ARFIP1: variants seen among roughly 807,000 people sequenced by gnomAD.
The protein encoded by ARFIP1 is arfaptin-1.
ARFIP1 carries 24 observed loss-of-function variants against 42.5 expected under a neutral mutation model. The ratio of observed to expected loss-of-function variants is 0.57; its 90% confidence interval spans 0.41 to 0.80. The LOEUF (loss-of-function observed/expected upper bound fraction) is 0.80, where lower values mean the gene tolerates loss of function less well. Among genes scored for constraint, ARFIP1 ranks in the 30% least tolerant of loss-of-function variants. The pLI, the probability that ARFIP1 is intolerant of heterozygous loss-of-function variation, is 0.00. For synonymous variants in ARFIP1, 141 were observed against 153.7 expected (o/e 0.92, Z 0.61); for missense variants, 354 against 434.0 (o/e 0.82, Z 1.64).
chr4:152,796,745 C>T, intron 1 of ARFIP1: 1 of 773,214 alleles, frequency 1.3e-6, no homozygotes, highest in Non-Finnish European at 2.4e-6. Flanking sequence ...CATTCTTGAG[C>T]TTCTCGACTT....
intron 2 of ARFIP1, among the ~76,000 whole-genome samples, chr4:152,831,861 T>C (rs573939075): frequency 6.6e-6 from 1 of 152,274 alleles, no homozygotes; most frequent in South Asian, 2.1e-4. Context: ...TCGCTGCACC[T>C]GTCAACCCAT....
At chr4:152,882,466 C>T (rs780982615) in intron 6 of ARFIP1, among the ~76,000 whole-genome samples, 90 of 152,190 alleles carry the variant, frequency 5.9e-4, no homozygotes, top group Non-Finnish European at 1.1e-3. Context: ...ATTGTTTCTA[C>T]TACAAAGTAA....
chr4:152,888,574 G>A (rs2149897379), intron 8 of ARFIP1, among the ~76,000 whole-genome samples: 1 of 152,276 alleles, frequency 6.6e-6, no homozygotes, highest in African/African-American at 2.4e-5. Context: ...GATTGGCGTT[G>A]ATAGCAAGTG....
At chr4:152,875,378 TAAAAAAAAAAAAAAAA>T (rs11302481) in intron 5 of ARFIP1, among the ~76,000 whole-genome samples, 1 of 100,162 alleles carries the variant, frequency 1.0e-5, no homozygotes, top group African/African-American at 3.4e-5. Flanking sequence ...TCTTTTTTTA[TAAAAAAAAAAAAAAAA>T]AAAAAAAGAA....
At chr4:152,829,384 G>A (rs564759247) in intron 1 of ARFIP1, among the ~76,000 whole-genome samples, 1 of 152,180 alleles carries the variant, frequency 6.6e-6, no homozygotes, top group South Asian at 2.1e-4. Flanking sequence ...GGCAAGGATA[G>A]TGCCTCTGGT....
chr4:152,874,087 A>C (rs933030906), intron 5 of ARFIP1, among the ~76,000 whole-genome samples: 9 of 151,850 alleles, frequency 5.9e-5, no homozygotes, highest in South Asian at 2.1e-4. Context: ...TCTTCCTTTC[A>C]TGTTGTTTAG....
chr4:152,795,356 AT>A (rs1374002405), intron 1 of ARFIP1, among the ~76,000 whole-genome samples: 1 of 151,606 alleles, frequency 6.6e-6, no homozygotes, highest in African/African-American at 2.4e-5. Flanking sequence ...CTCATTCTTT[AT>A]TTCCCCCCAC....
chr4:152,866,568 C>CG (rs1734380179), intron 3 of ARFIP1, among the ~76,000 whole-genome samples: 1 of 150,862 alleles, frequency 6.6e-6, no homozygotes, highest in Admixed American at 6.6e-5. Context: ...CCCTCCTGGA[C>CG]GGGGCGGCTG....
intron 1 of ARFIP1, among the ~76,000 whole-genome samples, chr4:152,790,590 G>C (rs1209427538): frequency 6.6e-6 from 1 of 152,078 alleles, no homozygotes; most frequent in Non-Finnish European, 1.5e-5. Flanking sequence ...CCTAAGAGTT[G>C]GTTATGGTGG....
At chr4:152,879,614 C>T (rs1203099533) in intron 5 of ARFIP1, among the ~76,000 whole-genome samples, 4 of 152,118 alleles carry the variant, frequency 2.6e-5, no homozygotes. Flanking sequence ...CTTTGGGAGG[C>T]CAAGACGGGC....
At chr4:152,834,622 C>T (rs1042001040) in intron 2 of ARFIP1, among the ~76,000 whole-genome samples, 1 of 152,252 alleles carries the variant, frequency 6.6e-6, no homozygotes, top group Non-Finnish European at 1.5e-5. Flanking sequence ...CCTGGGCACA[C>T]TGGTGCACGG....
intron 2 of ARFIP1, among the ~76,000 whole-genome samples, chr4:152,842,263 G>A (rs1335685361): frequency 6.6e-6 from 1 of 151,028 alleles, no homozygotes; most frequent in Non-Finnish European, 1.5e-5. Context: ...GCCAGCAATG[G>A]CTACCCTCTT....
At chr4:152,892,441 A>G (rs958883055) in intron 8 of ARFIP1, among the ~76,000 whole-genome samples, 3 of 152,132 alleles carry the variant, frequency 2.0e-5, no homozygotes, top group Admixed American at 6.5e-5. Context: ...AGAATAGGGC[A>G]TAAAGTAAAA....
chr4:152,825,304 C>T (rs1406085731), intron 1 of ARFIP1, among the ~76,000 whole-genome samples: 1 of 152,130 alleles, frequency 6.6e-6, no homozygotes, highest in Non-Finnish European at 1.5e-5. Flanking sequence ...TCAAACTATA[C>T]TATAAGGCTA....
At position 152,795,820 on chromosome 4, in the gene ARFIP1, A is replaced by ATTTTTTTTTTTTTTTTT. The variant is rs56845391; in HGVS notation, c.-10+15610_-10+15626dup. Among the ~76,000 whole-genome samples, 79 of 28,058 alleles carry ATTTTTTTTTTTTTTTTT rather than the reference A, an allele frequency of 2.8e-3. 6 individuals are homozygous for ATTTTTTTTTTTTTTTTT. The highest frequency in any genetic ancestry group is 0.02 in the Middle Eastern group (1 of 50). The allele number at this position is 28,058 out of a possible 152,430, so 18.4% of individuals were successfully genotyped here. On this transcript the variant is annotated intron_variant, in intron 1 of 8. Transcript: ENST00000353617. The stretch of plus-strand genomic sequence containing the variant: ...CGATTGTTACTTGAGGGCCCTTGTA[A>ATTTTTTTTTTTTTTTTT]TTTTTTTTTTTTTTTTTTTTTTTTT...
rs533079248 is a variant in ARFIP1, at chr4:152,898,176, G to T, written c.966+9869G>T. Among the ~76,000 whole-genome samples, 18 of 151,806 alleles carry T rather than the reference G, an allele frequency of 1.2e-4. No individual in the cohort carries two copies. In the South Asian group the frequency reaches 3.8e-3, roughly 32 times the overall value. ...TTTTTGGATTTTTAGTAGAGATGGG[G>T]TTTCACCATCTTGGCCAGGCTGGTC... On this transcript the variant is annotated intron_variant, in intron 8 of 8. Transcript: ENST00000353617.
intron 8 of ARFIP1, among the ~76,000 whole-genome samples, chr4:152,903,963 G>A (rs7678129): frequency 0.14 from 20,832 of 151,892 alleles, 1,516 homozygotes; most frequent in African/African-American, 0.18. Flanking sequence ...GCAGCTCCCT[G>A]CAAGGCCAGT....
At chr4:152,786,786 C>T (rs986311041) in intron 1 of ARFIP1, among the ~76,000 whole-genome samples, 4 of 152,192 alleles carry the variant, frequency 2.6e-5, no homozygotes, top group Non-Finnish European at 4.4e-5. Flanking sequence ...TCCAGTTCAA[C>T]CATGCTGGCC....
At chr4:152,827,918 A>G (rs775507561) in intron 1 of ARFIP1, among the ~76,000 whole-genome samples, 27 of 152,152 alleles carry the variant, frequency 1.8e-4, no homozygotes, top group Non-Finnish European at 3.2e-4. Flanking sequence ...GAAGCAATCC[A>G]CTGCCTCAGC....
Sources: allele counts gnomAD v4.1 joint callset (sites outside exome capture counted in the v4.1 genomes callset), GRCh38; gene constraint gnomAD v4.1.1; transcripts MANE v1.5; gene names NCBI Gene and HGNC (gene_info 2026-07-23, HGNC 2026-07-21).